The following IL1RAP variants were observed in gnomAD, a reference collection of about 807,000 sequenced individuals.
IL1RAP encodes interleukin 1 receptor accessory protein.
In IL1RAP, 35 loss-of-function variants were observed where a neutral mutation model predicts 60.7. That is an observed-to-expected ratio of 0.58 (90% CI 0.44 to 0.76). IL1RAP has a LOEUF of 0.76. Ranked by LOEUF, IL1RAP falls within the 30% of genes least tolerant of loss-of-function variation. The pLI, the probability that IL1RAP is intolerant of heterozygous loss-of-function variation, is 0.00. For synonymous variants in IL1RAP, 268 were observed against 250.9 expected, an observed-to-expected ratio of 1.07 and a Z score of -0.64; for missense variants, 572 against 693.9, an observed-to-expected ratio of 0.82 and a Z score of 1.97.
Position 190,648,428 on chromosome 3 carries a change from C to G in IL1RAP, c.1436C>G (p.Ala479Gly). The G allele has an allele frequency of 6.2e-7, 1 of 1,614,136 alleles. No individual in the cohort carries two copies. The highest frequency in any genetic ancestry group is 1.1e-5 in the South Asian group (1 of 91,076). The change falls in exon 12 of 12, where the codon GCC becomes GGC. Residue 479 changes from alanine (A) to glycine (G), a missense_variant. Physicochemically the swap from Ala to Gly is moderately conservative, Grantham distance 60 (BLOSUM62 0). Transcript: ENST00000447382. ...AACTACGTGCTCCAGGGAACCCAAG[C>G]CCTCCTGGAGCTCAAGGCTGGCCTA... is the stretch of plus-strand genomic sequence containing the variant. The part of the protein sequence containing the change: ...SPNYVLQGTQ[A>G]LLELKAGLEN...
At chr3:190,580,984 C>T (rs749299361) in intron 3 of IL1RAP, among the ~76,000 whole-genome samples, 4 of 152,124 alleles carry the variant, frequency 2.6e-5, no homozygotes, top group Admixed American at 6.5e-5. Context: ...AATCATACCT[C>T]AGTAAAGTGG....
chr3:190,599,095 G>A (rs1197161833), intron 3 of IL1RAP, among the ~76,000 whole-genome samples: 4 of 152,030 alleles, frequency 2.6e-5, no homozygotes, highest in Non-Finnish European at 5.9e-5. Flanking sequence ...CCTTATTGGA[G>A]GTTTCCAATC....
chr3:190,656,052 TC>T, downstream of IL1RAP: 1 of 1,537,130 alleles, frequency 6.5e-7, no homozygotes, highest in Non-Finnish European at 8.7e-7. Flanking sequence ...TTGAGTACCG[TC>T]CCCTTGAGCA....
chr3:190,618,567 T>A (rs936861387), intron 5 of IL1RAP, among the ~76,000 whole-genome samples: 1 of 152,150 alleles, frequency 6.6e-6, no homozygotes, highest in African/African-American at 2.4e-5. Context: ...TTCACAGGAG[T>A]TTCAGAATAG....
In IL1RAP at chr3:190,649,485, T is replaced by C. The variant is rs1734261825; in HGVS notation, c.*780T>C. Reference sequence around the variant, plus strand: ...CATTTAGAGTTTGCAGGAGGCTCCATACTAGGTTCAGTCTGAAAGAAATCT... The same window carrying C: ...CATTTAGAGTTTGCAGGAGGCTCCACACTAGGTTCAGTCTGAAAGAAATCT... On this transcript the variant is annotated 3_prime_UTR_variant, in exon 12 of 12. Transcript: ENST00000447382. 3 of 985,842 alleles carry C rather than the reference T, an allele frequency of 3.0e-6. No individual in the cohort carries two copies. The highest frequency in any genetic ancestry group is 3.6e-6 in the Non-Finnish European group (3 of 829,888). 61.1% of individuals were successfully genotyped at this position (985,842 alleles called of 1,614,324 possible). A position where few individuals can be genotyped will look rare whatever the true frequency, so the allele number is the denominator to read the frequency against.
intron 3 of IL1RAP, among the ~76,000 whole-genome samples, chr3:190,572,863 T>TTTTTTTG (rs1477486290): frequency 3.6e-5 from 1 of 27,680 alleles, no homozygotes; most frequent in Non-Finnish European, 7.6e-5. Flanking sequence ...TGCTTTGTTT[T>TTTTTTTG]TTTTTTTTTT....
intron 1 of IL1RAP, among the ~76,000 whole-genome samples, chr3:190,551,822 A>G (rs923138184): frequency 2.0e-5 from 3 of 152,202 alleles, no homozygotes; most frequent in Non-Finnish European, 4.4e-5. Context: ...AGTTAGAAAC[A>G]CAATTGACAA....
At chr3:190,614,664 T>C (rs972408240) in intron 5 of IL1RAP, among the ~76,000 whole-genome samples, 1 of 152,160 alleles carries the variant, frequency 6.6e-6, no homozygotes, top group Admixed American at 6.5e-5. Context: ...TTCTAACCTA[T>C]GTAATGTAAT....
intron 5 of IL1RAP, among the ~76,000 whole-genome samples, chr3:190,618,052 C>T (rs1042589662): frequency 3.3e-5 from 5 of 152,294 alleles, no homozygotes; most frequent in African/African-American, 7.2e-5. Flanking sequence ...CCACTGATTG[C>T]AGGAATTAGC....
intron 1 of IL1RAP, among the ~76,000 whole-genome samples, chr3:190,531,558 C>A (rs1722987011): frequency 6.6e-6 from 1 of 152,196 alleles, no homozygotes; most frequent in Admixed American, 6.5e-5. Context: ...CACTTCCCGG[C>A]ACATACTCCT....
At chr3:190,572,866 T>TTTTTG (rs1727071050) in intron 3 of IL1RAP, among the ~76,000 whole-genome samples, 1 of 30,390 alleles carries the variant, frequency 3.3e-5, no homozygotes. Flanking sequence ...TTTGTTTTTT[T>TTTTTG]TTTTTTTTTT....
intron 1 of IL1RAP, among the ~76,000 whole-genome samples, chr3:190,542,982 A>G (rs913473252): frequency 6.6e-6 from 1 of 151,314 alleles, no homozygotes; most frequent in Non-Finnish European, 1.5e-5. Flanking sequence ...AGACATGTGA[A>G]TCCAAATTAA....
In IL1RAP at chr3:190,612,624, G is replaced by A. The variant is rs184184497; in HGVS notation, c.537+3443G>A. 3.2e-3 allele frequency among the ~76,000 whole-genome samples: 482 copies of A among 151,844 alleles called. 3 individuals carry two copies. Among genetic ancestry groups the A allele is most frequent in the African/African-American group, 0.011 (467 of 41,386 alleles). On this transcript the variant is annotated intron_variant, in intron 5 of 11. Coordinates refer to ENST00000447382, the MANE Select transcript of IL1RAP (RefSeq NM_002182.4). ...TCATTCATGACTACAGATAGTCCTC[G>A]ATTTACTATGGTTTGACTTAAGATT...
At chr3:190,658,297 G>C (rs750902573) in exon 12 of IL1RAP, 4 of 152,126 alleles carry the variant, frequency 2.6e-5, no homozygotes, top group Admixed American at 6.5e-5. Flanking sequence ...CATAACTAAA[G>C]TATTCAGCCA....
chr3:190,656,939 C>T (rs184816851), exon 12 of IL1RAP: 278 of 192,832 alleles, frequency 1.4e-3, no homozygotes, highest in African/African-American at 6.2e-3. Flanking sequence ...AGTTGATCAA[C>T]CTCACATTAT....
chr3:190,588,359 G>A (rs745482401), intron 3 of IL1RAP, among the ~76,000 whole-genome samples: 7 of 152,318 alleles, frequency 4.6e-5, no homozygotes, highest in East Asian at 1.9e-4. Flanking sequence ...TGATCCGCCC[G>A]CCTGGGCCTC....
intron 10 of IL1RAP, 54 bp downstream of exon 10, chr3:190,644,451 T>C (rs888595987): frequency 9.6e-6 from 13 of 1,349,266 alleles, no homozygotes; most frequent in Non-Finnish European, 1.3e-5. Context: ...TTAGAACATA[T>C]GTTGTAAAAA....
chr3:190,591,696 A>C (rs931328275), intron 3 of IL1RAP, among the ~76,000 whole-genome samples: 2 of 152,208 alleles, frequency 1.3e-5, no homozygotes, highest in African/African-American at 4.8e-5. Context: ...ATCCTGAATA[A>C]ATATTATCTA....
At chr3:190,647,202 C>T (rs1333183122) in intron 11 of IL1RAP, among the ~76,000 whole-genome samples, 5 of 152,222 alleles carry the variant, frequency 3.3e-5, no homozygotes. Flanking sequence ...TCCAGTGCCA[C>T]TGCTTGGAAC....
Sources: gnomAD v4.1 joint callset for allele counts (sites outside exome capture counted in the v4.1 genomes callset) on GRCh38, gnomAD v4.1.1 for gene constraint, MANE v1.5 for transcripts, NCBI Gene and HGNC (gene_info 2026-07-23, HGNC 2026-07-21) for gene names.